The following GRID1 variants were observed in gnomAD, a reference collection of about 807,000 sequenced individuals.
The protein encoded by GRID1 is glutamate ionotropic receptor delta type subunit 1, also known as glutamate receptor ionotropic, delta-1.
A neutral mutation model predicts 98.0 loss-of-function variants in GRID1; 28 were observed. The observed-to-expected ratio is 0.29, with a 90% confidence interval of 0.21 to 0.39. GRID1 has a LOEUF of 0.39. Among genes scored for constraint, GRID1 ranks in the 10% least tolerant of loss-of-function variants. The pLI is 1.00. For synonymous variants in GRID1, 553 were observed against 538.5 expected (o/e 1.03, Z -0.37); for missense variants, 1,111 against 1,340.5 (o/e 0.83, Z 2.67).
In GRID1 at chr10:85,630,147, G is replaced by A. The variant is rs548426429; in HGVS notation, c.2194-10114C>T. Among the ~76,000 whole-genome samples the A allele has an allele frequency of 2.1e-3, 319 of 152,272 alleles. 1 individual carries two copies. The highest frequency in any genetic ancestry group is 3.4e-3 in the Middle Eastern group (1 of 294). ...TTTTCTCTTATGTTATCTGCCCTTT[G>A]ATTTTTTAACTTCCTTTATAGAGTC... On this transcript the variant is annotated intron_variant, in intron 13 of 15. Transcript: ENST00000327946.
At chr10:85,777,113 C>T (rs537913936) in intron 8 of GRID1, among the ~76,000 whole-genome samples, 1 of 152,286 alleles carries the variant, frequency 6.6e-6, no homozygotes, top group South Asian at 2.1e-4. Flanking sequence ...ATTCTCCAAC[C>T]TAATGTATAA....
At chr10:86,249,873 T>G (rs772990962) in intron 2 of GRID1, among the ~76,000 whole-genome samples, 3 of 152,184 alleles carry the variant, frequency 2.0e-5, no homozygotes, top group Non-Finnish European at 4.4e-5. Flanking sequence ...CAATGTTTGA[T>G]AAATGGATGG....
At chr10:85,692,941 A>C (rs1450577525) in intron 12 of GRID1, among the ~76,000 whole-genome samples, 1 of 152,236 alleles carries the variant, frequency 6.6e-6, no homozygotes, top group Non-Finnish European at 1.5e-5. Context: ...GGCTATGATC[A>C]AGTGAAGATG....
At chr10:85,890,912 C>A (rs1425706248) in intron 5 of GRID1, among the ~76,000 whole-genome samples, 1 of 152,118 alleles carries the variant, frequency 6.6e-6, no homozygotes, top group African/African-American at 2.4e-5. Flanking sequence ...TAACACAAAG[C>A]CAATTCTTTT....
At chr10:85,926,444 C>T (rs571042645) in intron 4 of GRID1, among the ~76,000 whole-genome samples, 1 of 152,218 alleles carries the variant, frequency 6.6e-6, no homozygotes, top group African/African-American at 2.4e-5. Context: ...TTAAGACAGC[C>T]CCTCTCCAAG....
chr10:85,755,673 T>G (rs1269561218), intron 8 of GRID1, among the ~76,000 whole-genome samples: 2 of 152,200 alleles, frequency 1.3e-5, no homozygotes, highest in Non-Finnish European at 2.9e-5. Flanking sequence ...TTCTCAGCCC[T>G]TGAAGTGGCA....
intron 4 of GRID1, among the ~76,000 whole-genome samples, chr10:86,064,675 C>T (rs903436518): frequency 2.6e-5 from 4 of 152,194 alleles, no homozygotes; most frequent in African/African-American, 9.7e-5. Context: ...ACCTCTCCGA[C>T]AACTCCTCCT....
chr10:86,145,906 G>C lies in GRID1; in HGVS notation c.521-6882C>G, dbSNP rs531593352. Among the ~76,000 whole-genome samples, 22 of 152,218 alleles carry C rather than the reference G, an allele frequency of 1.4e-4. No homozygotes were observed. In the South Asian group the frequency reaches 4.4e-3, roughly 30 times the overall value. On this transcript the variant is annotated intron_variant, in intron 3 of 15. Transcript: ENST00000327946. ...ACTTCAGCAGCCACACGATGACCACGTAGCCGGTGGAGGCAAAGCCCTACT... is the reference window on the plus strand; with the variant it reads ...ACTTCAGCAGCCACACGATGACCACCTAGCCGGTGGAGGCAAAGCCCTACT...
chr10:86,200,454 G>T (rs961832216), intron 3 of GRID1, among the ~76,000 whole-genome samples: 4 of 152,204 alleles, frequency 2.6e-5, no homozygotes, highest in African/African-American at 9.6e-5. Flanking sequence ...AGGTAGGCTT[G>T]CTAGGCTCGC....
intron 5 of GRID1, among the ~76,000 whole-genome samples, chr10:85,883,079 A>C (rs1841058528): frequency 6.6e-6 from 1 of 152,082 alleles, no homozygotes; most frequent in Non-Finnish European, 1.5e-5. Context: ...GGACGTTTTC[A>C]TTCTACCTTC....
chr10:86,330,043 C>T (rs944425219), intron 2 of GRID1, among the ~76,000 whole-genome samples: 14 of 152,140 alleles, frequency 9.2e-5, no homozygotes, highest in Admixed American at 2.0e-4. Context: ...CATTGCCTCC[C>T]CACAAAGTCC....
At chr10:85,739,942 T>C (rs1385413456) in intron 8 of GRID1, among the ~76,000 whole-genome samples, 4 of 152,210 alleles carry the variant, frequency 2.6e-5, no homozygotes, top group South Asian at 2.1e-4. Context: ...TTATAAGGAA[T>C]GTTCATCTCT....
intron 15 of GRID1, among the ~76,000 whole-genome samples, chr10:85,607,882 A>G (rs1168906166): frequency 3.3e-5 from 5 of 150,350 alleles, no homozygotes; most frequent in Non-Finnish European, 5.9e-5. Flanking sequence ...CAGTGGCCCA[A>G]TCTCGGCTCA....
chr10:85,669,618 G>A (rs1433759546), intron 12 of GRID1, among the ~76,000 whole-genome samples: 6 of 152,144 alleles, frequency 3.9e-5, no homozygotes, highest in East Asian at 1.9e-4. Flanking sequence ...TCCCAGCCCC[G>A]CTTCTCATGA....
intron 3 of GRID1, among the ~76,000 whole-genome samples, chr10:86,199,715 G>A (rs1845921886): frequency 6.6e-6 from 1 of 152,102 alleles, no homozygotes. Flanking sequence ...GGGTCATCTG[G>A]GAAATTCGGG....
At chr10:85,787,730 C>A (rs1039878173) in intron 8 of GRID1, among the ~76,000 whole-genome samples, 19 of 152,200 alleles carry the variant, frequency 1.2e-4, no homozygotes, top group Non-Finnish European at 2.6e-4. Flanking sequence ...CCCACCATCA[C>A]CCAGCCGGCC....
intron 8 of GRID1, among the ~76,000 whole-genome samples, chr10:85,801,804 A>T (rs1842578801): frequency 6.6e-6 from 1 of 151,930 alleles, no homozygotes; most frequent in African/African-American, 2.4e-5. Flanking sequence ...ATATACAATT[A>T]TAGGGAAAAA....
At chr10:85,647,153 C>A (rs756712828) in intron 13 of GRID1, 49 bp downstream of exon 13, 10 of 1,492,636 alleles carry the variant, frequency 6.7e-6, no homozygotes, top group Admixed American at 3.4e-5. Flanking sequence ...GGCTGACCAC[C>A]CCGTGGCCCT....
intron 3 of GRID1, among the ~76,000 whole-genome samples, chr10:86,144,646 C>T (rs918356511): frequency 6.6e-6 from 1 of 152,106 alleles, no homozygotes; most frequent in Non-Finnish European, 1.5e-5. Context: ...TCTCCAGCAT[C>T]CAGCCTGCAG....
Sources: allele counts gnomAD v4.1 joint callset (sites outside exome capture counted in the v4.1 genomes callset), GRCh38; gene constraint gnomAD v4.1.1; transcripts MANE v1.5; gene names NCBI Gene and HGNC (gene_info 2026-07-23, HGNC 2026-07-21).